The following DRP2 variants were observed in gnomAD, a reference collection of about 807,000 sequenced individuals.
DRP2 encodes the protein dystrophin related protein 2, also known as dystrophin-related protein 2.
In DRP2, 29 loss-of-function variants were observed where a neutral mutation model predicts 78.2. The ratio of observed to expected loss-of-function variants is 0.37; its 90% CI spans 0.28 to 0.51. The LOEUF is 0.51. DRP2 is among the 20% of genes least tolerant of loss of function. DRP2 has a pLI of 0.94. For synonymous variants in DRP2, 290 were observed against 281.9 expected (o/e 1.03, Z -0.29); for missense variants, 686 against 770.6 (o/e 0.89, Z 1.30).
At chrX:101,257,490 A>G (rs1204354992) in intron 21 of DRP2, among the ~76,000 whole-genome samples, 1 of 109,018 alleles carries the variant, frequency 9.2e-6, no homozygotes, top group Non-Finnish European at 1.9e-5. Context: ...GCAATTTGAC[A>G]TTGCTATGAT....
chrX:101,253,385 C>T lies in DRP2; in HGVS notation c.1977+669C>T, dbSNP rs7054347. On this transcript the variant is annotated intron_variant, in intron 17 of 23. Transcript: ENST00000395209. Reference sequence around the variant, plus strand: ...ACAGCTCCATGCTTAGCTTCCAGCACTGACTCTGCTCCCTACTCATCTTTA... The same window carrying T: ...ACAGCTCCATGCTTAGCTTCCAGCATTGACTCTGCTCCCTACTCATCTTTA... 7.3e-3 allele frequency among the ~76,000 whole-genome samples: 804 copies of T among 109,646 alleles called. 8 individuals are homozygous for T. Among genetic ancestry groups the T allele is most frequent in the African/African-American group, 0.026 (772 of 30,108 alleles).
At position 101,250,899 on chromosome X, in the gene DRP2, GTCT is replaced by G; in HGVS notation, c.1699-13_1699-11del. 1.7e-6 allele frequency: 2 copies of G among 1,208,702 alleles called. No homozygotes were observed. Among genetic ancestry groups the G allele is most frequent in the South Asian group, 1.8e-5 (1 of 56,220 alleles). On this transcript the variant is annotated splice_polypyrimidine_tract_variant and intron_variant, in intron 15 of 23. Coordinates refer to ENST00000395209, the MANE Select transcript of DRP2 (RefSeq NM_001939.3). ...CTTTGGGCCTCAGTCATTCCCATTG[GTCT>G]TCTTGTTTCCGTAGAGCACCGGGAA...
intron 22 of DRP2, 126 bp downstream of exon 22, chrX:101,258,672 C>A: frequency 1.7e-6 from 1 of 578,871 alleles, no homozygotes; most frequent in Non-Finnish European, 2.7e-6. Context: ...AGGTAACTTC[C>A]TGAAGAGAAC....
intron 22 of DRP2, among the ~76,000 whole-genome samples, chrX:101,259,022 T>C (rs1923453564): frequency 1.8e-5 from 2 of 111,571 alleles, no homozygotes; most frequent in South Asian, 7.5e-4. Flanking sequence ...TGAGAGGCAA[T>C]GTGTATGCTG....
rs1186490402 is a variant in DRP2 at position 101,231,760 on chromosome X, C to G, written c.113C>G (p.Pro38Arg). The G allele has an allele frequency of 1.7e-6, 2 of 1,201,126 alleles. No individual in the cohort carries two copies. Among genetic ancestry groups the G allele is most frequent in the South Asian group, 3.6e-5 (2 of 55,991 alleles). Residue 38 changes from proline to arginine, a missense_variant, in exon 3 of 24, where the codon CCT becomes CGT. Physicochemically the swap from Pro to Arg is moderately radical, Grantham distance 103. Coordinates refer to ENST00000395209, the MANE Select transcript of DRP2 (RefSeq NM_001939.3). ...AGCCTCCGAAGCACCTGCCCCCACC[C>G]TCAGGTAAGAGTCTGATAGTGAAAG... ...SSSLRSTCPHPQVRAAVTSPA... is the reference protein window; with the variant it reads ...SSSLRSTCPHRQVRAAVTSPA...
At chrX:101,241,268 A>G (rs764920503) in intron 6 of DRP2, among the ~76,000 whole-genome samples, 1 of 111,969 alleles carries the variant, frequency 8.9e-6, no homozygotes, top group Non-Finnish European at 1.9e-5. Flanking sequence ...ACACACACAT[A>G]CACACACGAA....
At chrX:101,253,437 C>T (rs1923206476) in intron 17 of DRP2, among the ~76,000 whole-genome samples, 1 of 108,037 alleles carries the variant, frequency 9.3e-6, no homozygotes, top group Non-Finnish European at 1.9e-5. Flanking sequence ...CAGATGCTCC[C>T]AAAGCCCTGA....
Position 101,260,873 on chromosome X carries a change from T to C in DRP2, c.*252T>C, listed in dbSNP as rs774959174. ...ATCTTCAAGTTCGAGATCAGCCCTT[T>C]AAGTACCTTTCTGTTGCAGCCCAGG... On this transcript the variant is annotated 3_prime_UTR_variant, in exon 24 of 24. Coordinates refer to ENST00000395209, the MANE Select transcript of DRP2 (RefSeq NM_001939.3). 36 of 309,645 alleles carry C rather than the reference T, an allele frequency of 1.2e-4. No homozygotes were observed. In the South Asian group the frequency reaches 4.6e-3, roughly 40 times the overall value. The allele number at this position is 309,645 out of a possible 1,213,427, so 25.5% of individuals were successfully genotyped here.
chrX:101,258,252 C>A, intron 21 of DRP2, 57 bp from the exon 22 acceptor site: 1 of 1,060,186 alleles, frequency 9.4e-7, no homozygotes, highest in Non-Finnish European at 1.3e-6. Context: ...ACATCTGAAA[C>A]CTGGACAGTC....
intron 8 of DRP2, 51 bp from the exon 9 acceptor site, chrX:101,242,853 A>C (rs1190232828): frequency 8.9e-7 from 1 of 1,128,299 alleles, no homozygotes; most frequent in Non-Finnish European, 1.2e-6. Flanking sequence ...TGGGGATCCC[A>C]CTCTAAATAG....
chrX:101,234,943 G>A (rs1456521751), intron 3 of DRP2, among the ~76,000 whole-genome samples: 2 of 110,971 alleles, frequency 1.8e-5, no homozygotes, highest in African/African-American at 6.6e-5. Flanking sequence ...CAGGTAGGCA[G>A]GTGTGGGTCT....
Position 101,260,614 on chromosome X carries a change from C to T in DRP2, c.2867C>T (p.Ala956Val). 1.7e-6 allele frequency: 2 copies of T among 1,208,896 alleles called. No individual in the cohort carries two copies. Among genetic ancestry groups the T allele is most frequent in the Non-Finnish European group, 2.2e-6 (2 of 894,438 alleles). Residue 956 changes from alanine (A) to valine (V), a missense_variant, in exon 24 of 24, where the codon GCC becomes GTC. Physicochemically the swap from Ala to Val is moderately conservative, Grantham distance 64 (BLOSUM62 0). Transcript: ENST00000395209. ...GATGTGACTGCCAACACCCTGCTGG[C>T]CTCTTGATGGAGCCAGATCCCCATC... ...SSDVTANTLL[A>V]S
chrX:101,247,218 C>T, intron 12 of DRP2, 54 bp downstream of exon 12: 1 of 1,062,962 alleles, frequency 9.4e-7, no homozygotes, highest in African/African-American at 1.8e-5. Context: ...TCCTGTTCCT[C>T]ATCTGTCTGC....
chrX:101,241,750 G>A lies in DRP2; in HGVS notation c.642G>A (p.Lys214=), dbSNP rs1297526453. The part of the protein sequence containing the change: ...QATVASELWE[K]LTARCVDQHR... ...CGGTGGCCAGTGAACTGTGGGAGAA[G>A]TTGACAGCCCGCTGTGTGGACCAGC... Residue 214 remains lysine, a synonymous_variant, in exon 7 of 24, where the codon AAG becomes AAA. Transcript: ENST00000395209. The A allele has an allele frequency of 4.5e-5, 54 of 1,211,865 alleles. No individual in the cohort carries two copies. Among genetic ancestry groups the A allele is most frequent in the Non-Finnish European group, 6.0e-5 (54 of 895,575 alleles).
chrX:101,246,217 A>G (rs1922928297), intron 11 of DRP2, among the ~76,000 whole-genome samples: 1 of 112,195 alleles, frequency 8.9e-6, no homozygotes, highest in South Asian at 3.8e-4. Context: ...GAGGCTCTAC[A>G]TTCCCCTCTG....
At chrX:101,243,294 C>T (rs1299419714) in intron 9 of DRP2, among the ~76,000 whole-genome samples, 4 of 105,718 alleles carry the variant, frequency 3.8e-5, no homozygotes, top group Non-Finnish European at 7.7e-5. Context: ...GGCATGGTGG[C>T]GGGTGCCTGT....
chrX:101,243,455 C>G (rs935896511), intron 9 of DRP2, among the ~76,000 whole-genome samples: 8 of 104,674 alleles, frequency 7.6e-5, no homozygotes, highest in African/African-American at 2.8e-4. Flanking sequence ...GTCTGAGGCA[C>G]AGCACCTCAA....
At chrX:101,257,429 T>TAAA (rs57717609) in intron 21 of DRP2, among the ~76,000 whole-genome samples, 5,474 of 51,317 alleles carry the variant, frequency 0.11, 316 homozygotes, top group Non-Finnish European at 0.15. Flanking sequence ...CAAGGCAAGA[T>TAAA]AAAAAAAAAA....
intron 2 of DRP2, among the ~76,000 whole-genome samples, chrX:101,226,253 G>A (rs1922116415): frequency 9.0e-6 from 1 of 111,664 alleles, no homozygotes; most frequent in Non-Finnish European, 1.9e-5. Flanking sequence ...AGTGATAGAC[G>A]TTTAAGTTTT....
Sources: gnomAD v4.1 joint callset for allele counts (sites outside exome capture counted in the v4.1 genomes callset) on GRCh38, gnomAD v4.1.1 for gene constraint, MANE v1.5 for transcripts, NCBI Gene and HGNC (gene_info 2026-07-23, HGNC 2026-07-21) for gene names.